Variants in TRABD2A observed in about 807,000 individuals in gnomAD.
TRABD2A encodes the protein metalloprotease TIKI1.
TRABD2A carries 43 observed loss-of-function variants against 45.6 expected under a neutral mutation model. The observed-to-expected ratio is 0.94, with a 90% CI of 0.74 to 1.22. TRABD2A has a LOEUF of 1.22. Among genes scored for constraint, TRABD2A ranks in the 50% most tolerant of loss-of-function variants. TRABD2A has a pLI of 0.00. For missense variants in TRABD2A, 642 were observed against 652.4 expected (o/e 0.98, Z 0.17); for synonymous variants, 269 against 265.0 (o/e 1.02, Z -0.15).
At chr2:84,822,160 AG>A in intron 6 of TRABD2A, 60 bp from the exon 7 acceptor site, 1 of 1,426,646 alleles carries the variant, frequency 7.0e-7, no homozygotes. Context: ...GCACACGCCA[AG>A]GCCCCCAAAT....
At chr2:84,859,205 CA>C (rs1237939750) in intron 2 of TRABD2A, among the ~76,000 whole-genome samples, 2 of 152,174 alleles carry the variant, frequency 1.3e-5, no homozygotes, top group African/African-American at 4.8e-5. Flanking sequence ...GGAAGATCAA[CA>C]GAAGAGAAAA....
At chr2:84,871,959 G>A (rs1682883132) in intron 1 of TRABD2A, among the ~76,000 whole-genome samples, 1 of 152,158 alleles carries the variant, frequency 6.6e-6, no homozygotes, top group Non-Finnish European at 1.5e-5. Context: ...GATGATCTCT[G>A]CTGGATGGAT....
chr2:84,865,960 C>T (rs76852046), intron 2 of TRABD2A, among the ~76,000 whole-genome samples: 23,510 of 152,184 alleles, frequency 0.15, 2,577 homozygotes, highest in African/African-American at 0.31. Flanking sequence ...GCATGAACTT[C>T]AGGTGAAGGA....
At chr2:84,850,963 T>A (rs1682066685) in intron 2 of TRABD2A, 1 of 152,314 alleles carries the variant, frequency 6.6e-6, no homozygotes, top group Admixed American at 6.5e-5. Flanking sequence ...CTCCAAGACC[T>A]TAGCACTAAC....
intron 2 of TRABD2A, among the ~76,000 whole-genome samples, chr2:84,866,771 A>G (rs969459906): frequency 2.0e-5 from 3 of 151,686 alleles, no homozygotes; most frequent in Non-Finnish European, 2.9e-5. Context: ...AAGTTTAGAG[A>G]AGTTAAGTGA....
intron 1 of TRABD2A, 77 bp downstream of exon 1, chr2:84,880,855 C>T: frequency 6.5e-7 from 1 of 1,539,024 alleles, no homozygotes; most frequent in East Asian, 2.5e-5. Flanking sequence ...GAAAGCGCTG[C>T]TTCGCGGGGT....
At chr2:84,878,725 T>A (rs906304614) in intron 1 of TRABD2A, among the ~76,000 whole-genome samples, 3 of 152,118 alleles carry the variant, frequency 2.0e-5, no homozygotes, top group Non-Finnish European at 4.4e-5. Flanking sequence ...TCCTGCAGAA[T>A]CCTATAGGGG....
chr2:84,841,906 G>T lies in TRABD2A; in HGVS notation c.771C>A (p.Asn257Lys), dbSNP rs1160098553. Residue 257 changes from asparagine to lysine, a missense_variant, in exon 3 of 7, where the codon AAC (asparagine) becomes AAA (lysine). Asn to Lys is a moderately conservative substitution (Grantham distance 94, BLOSUM62 0). Transcript: ENST00000409520. ...YTTEDLIKHYNCGDLSSVILS... is the reference protein window; with the variant it reads ...YTTEDLIKHYKCGDLSSVILS... ...GGATGACGGAGCTGAGGTCCCCGCA[G>T]TTATAGTGTTTGATGAGATCCTCCG... The T allele has an allele frequency of 3.9e-6, 6 of 1,548,136 alleles. No homozygotes were observed. The highest frequency in any genetic ancestry group is 5.2e-6 in the Non-Finnish European group (6 of 1,146,368).
intron 4 of TRABD2A, chr2:84,837,898 A>T (rs146497411): frequency 1.9e-5 from 5 of 267,194 alleles, no homozygotes; most frequent in Non-Finnish European, 2.8e-5. Flanking sequence ...TATACCCCCT[A>T]TGGGATTTTG....
chr2:84,860,201 C>A (rs1682453218), intron 2 of TRABD2A, among the ~76,000 whole-genome samples: 1 of 152,170 alleles, frequency 6.6e-6, no homozygotes, highest in Admixed American at 6.5e-5. Context: ...AACTTTGCAA[C>A]TTTACCCTGG....
At position 84,841,879 on chromosome 2, in the gene TRABD2A, G is replaced by A; in HGVS notation, c.798C>T (p.Leu266=). The change falls in exon 3 of 7, where the codon CTC becomes CTT. Residue 266 remains leucine (L), a synonymous_variant. Coordinates refer to ENST00000409520, the MANE Select transcript of TRABD2A (RefSeq NM_001277053.2). ...YNCGDLSSVI[L]SHDSSQVPNF... is the part of the protein sequence containing the mutation. Reference sequence around the variant, plus strand: ...TGCTCACCTGGGAGCTGTCATGGCTGAGGATGACGGAGCTGAGGTCCCCGC... The same window carrying A: ...TGCTCACCTGGGAGCTGTCATGGCTAAGGATGACGGAGCTGAGGTCCCCGC... The A allele has an allele frequency of 6.5e-7, 1 of 1,540,860 alleles. No homozygotes were observed. The highest frequency in any genetic ancestry group is 8.7e-7 in the Non-Finnish European group (1 of 1,143,294).
chr2:84,873,125 A>AT (rs1559099657), intron 1 of TRABD2A, among the ~76,000 whole-genome samples: 2 of 150,930 alleles, frequency 1.3e-5, no homozygotes, highest in African/African-American at 4.9e-5. Flanking sequence ...AAAAAAAAAA[A>AT]AAAAAAAAAT....
intron 2 of TRABD2A, among the ~76,000 whole-genome samples, chr2:84,848,363 TAGATAGATAGATAGAC>T (rs1393857473): frequency 1.4e-3 from 197 of 137,448 alleles, no homozygotes; most frequent in East Asian, 3.3e-3. Context: ...GATAGATAGA[TAGATAGATAGATAGAC>T]AGACAGACAG....
chr2:84,854,024 A>ATATT (rs1448732270), intron 2 of TRABD2A, among the ~76,000 whole-genome samples: 10 of 150,136 alleles, frequency 6.7e-5, no homozygotes, highest in Non-Finnish European at 1.5e-4. Flanking sequence ...ATCTCAAAAA[A>ATATT]TATTTATTTA....
Position 84,831,694 on chromosome 2 carries a change from C to A in TRABD2A, c.1082+361G>T, listed in dbSNP as rs181165058. Among the ~76,000 whole-genome samples, 35 of 152,272 alleles carry A rather than the reference C, an allele frequency of 2.3e-4. No homozygotes were observed. The East Asian group carries it at 4.8e-3, about 21-fold the overall frequency. ...ATGGCCCGATTTTGCCTCCCGAAAA[C>A]TTCCAAAACACCTAGGGCAAAGGAC... On this transcript the variant is annotated intron_variant, in intron 5 of 6. Coordinates refer to ENST00000409520, the MANE Select transcript of TRABD2A (RefSeq NM_001277053.2).
At chr2:84,828,678 G>A (rs1392105643) in intron 5 of TRABD2A, among the ~76,000 whole-genome samples, 1 of 152,230 alleles carries the variant, frequency 6.6e-6, no homozygotes, top group African/African-American at 2.4e-5. Context: ...CATGTGAGCA[G>A]TACCAGCAAT....
chr2:84,839,132 G>A lies in TRABD2A; in HGVS notation c.991+17C>T, dbSNP rs1352731386. 1.2e-6 allele frequency: 2 copies of A among 1,613,572 alleles called. No homozygotes were observed. Among genetic ancestry groups the A allele is most frequent in the Non-Finnish European group, 8.5e-7 (1 of 1,179,722 alleles). ...CCTCAGATTTCAGAGGCTAATCAGAGGTGACCCACTACTCACCAGCTCCAA... is the reference window on the plus strand; with the variant it reads ...CCTCAGATTTCAGAGGCTAATCAGAAGTGACCCACTACTCACCAGCTCCAA... On this transcript the variant is annotated intron_variant, in intron 4 of 6. Transcript: ENST00000409520.
intron 2 of TRABD2A, among the ~76,000 whole-genome samples, chr2:84,858,618 GGGATGTCTGT>G (rs1348586507): frequency 6.6e-6 from 1 of 152,204 alleles, no homozygotes; most frequent in Non-Finnish European, 1.5e-5. Context: ...CCCCACCACA[GGGATGTCTGT>G]CACTTCTGCT....
At chr2:84,848,414 ATAGATAGT>A (rs1415726487) in intron 2 of TRABD2A, among the ~76,000 whole-genome samples, 7 of 125,894 alleles carry the variant, frequency 5.6e-5, no homozygotes, top group African/African-American at 2.9e-4. Flanking sequence ...AGACAGACAG[ATAGATAGT>A]CTCCACTTTC....
Sources: gnomAD v4.1 joint callset for allele counts (sites outside exome capture counted in the v4.1 genomes callset) on GRCh38, gnomAD v4.1.1 for gene constraint, MANE v1.5 for transcripts, NCBI Gene and HGNC (gene_info 2026-07-23, HGNC 2026-07-21) for gene names.